The following SLC25A12 variants were observed in gnomAD, a reference collection of about 807,000 sequenced individuals.
The protein encoded by SLC25A12 is electrogenic aspartate/glutamate antiporter SLC25A12, mitochondrial.
A neutral mutation model predicts 83.3 loss-of-function variants in SLC25A12; 32 were observed. That is an observed-to-expected ratio of 0.38 (90% CI 0.29 to 0.52). The LOEUF is 0.52. Among genes scored for constraint, SLC25A12 ranks in the 20% least tolerant of loss-of-function variants. The pLI is 0.84. For synonymous variants in SLC25A12, 267 were observed against 291.1 expected (o/e 0.92, Z 0.84); for missense variants, 611 against 835.6 (o/e 0.73, Z 3.31).
At position 171,894,210 on chromosome 2, in the gene SLC25A12, G is replaced by T. The variant is rs1410996256; in HGVS notation, c.5C>A (p.Ala2Glu). 2 of 1,608,796 alleles carry T rather than the reference G, an allele frequency of 1.2e-6. No homozygotes were observed. Among genetic ancestry groups the T allele is most frequent in the South Asian group, 1.1e-5 (1 of 89,944 alleles). Residue 2 changes from alanine (A) to glutamate (E), a missense_variant, in exon 1 of 18, where the codon GCG (alanine) becomes GAG (glutamate). By Grantham distance (107) the Ala-to-Glu change is moderately radical (BLOSUM62 -1). This residue lies in a region of SLC25A12 where 34 missense variants were observed against 23.0 expected (regional missense o/e 1.48). Coordinates refer to ENST00000422440, the MANE Select transcript of SLC25A12 (RefSeq NM_003705.5). M[A>E]VKVQTTKRGD... ...GCAGAGAGTTGGAGTCACCTTGACC[G>T]CCATGCTGTGCTCGGAAGCCGGGGA...
chr2:171,884,744 C>T (rs1162652583), intron 2 of SLC25A12, among the ~76,000 whole-genome samples: 1 of 150,536 alleles, frequency 6.6e-6, no homozygotes, highest in African/African-American at 2.4e-5. Flanking sequence ...CATTGCACTC[C>T]AGCCTGGGCA....
Position 171,882,322 on chromosome 2 carries a change from T to C in SLC25A12, c.66+10883A>G, listed in dbSNP as rs528534033. On this transcript the variant is annotated intron_variant, in intron 2 of 17. Coordinates refer to ENST00000422440, the MANE Select transcript of SLC25A12 (RefSeq NM_003705.5). ...AACTGAACAGTTCCAGAGGTGAGCA[T>C]GTGAACCAGATCTGGCCAATGAGAA... Among the ~76,000 whole-genome samples, 15 of 152,296 alleles carry C rather than the reference T, an allele frequency of 9.8e-5. No individual in the cohort carries two copies. In the South Asian group the frequency reaches 2.7e-3, roughly 27 times the overall value.
At chr2:171,868,136 C>T (rs1483562112) in intron 3 of SLC25A12, among the ~76,000 whole-genome samples, 7 of 151,952 alleles carry the variant, frequency 4.6e-5, no homozygotes, top group African/African-American at 9.6e-5. Context: ...TGAGCCACCG[C>T]GCCCAGCCTG....
chr2:171,836,979 C>T, intron 6 of SLC25A12, 142 bp downstream of exon 6: 1 of 746,438 alleles, frequency 1.3e-6, no homozygotes, highest in African/African-American at 1.7e-5. Flanking sequence ...CACACACACA[C>T]ACACAAACCT....
chr2:171,866,384 G>A (rs1685303378), intron 3 of SLC25A12, among the ~76,000 whole-genome samples: 1 of 144,270 alleles, frequency 6.9e-6, no homozygotes, highest in African/African-American at 2.6e-5. Context: ...GGGCAGAGGG[G>A]CTCCTCACTT....
intron 13 of SLC25A12, chr2:171,809,311 A>T: frequency 2.7e-6 from 1 of 373,136 alleles, no homozygotes; most frequent in Non-Finnish European, 5.0e-6. Flanking sequence ...ACTAATTCAC[A>T]CTCCCACCAA....
intron 9 of SLC25A12, among the ~76,000 whole-genome samples, chr2:171,815,571 T>A (rs141482954): frequency 6.6e-6 from 1 of 152,178 alleles, no homozygotes; most frequent in South Asian, 2.1e-4. Flanking sequence ...GTTATAAAAT[T>A]TTTTTCCTTC....
chr2:171,875,082 C>T (rs6708365), intron 2 of SLC25A12, among the ~76,000 whole-genome samples: 117,192 of 152,080 alleles, frequency 0.77, 46,219 homozygotes, highest in East Asian at 0.89. Flanking sequence ...GGTTGCTTTC[C>T]GCAACCAATC....
intron 8 of SLC25A12, among the ~76,000 whole-genome samples, chr2:171,828,053 C>G (rs1240263875): frequency 6.6e-6 from 1 of 152,178 alleles, no homozygotes; most frequent in South Asian, 2.1e-4. Flanking sequence ...TCCCGGGAGA[C>G]TGAAAGGTAT....
intron 16 of SLC25A12, 24 bp from the exon 17 acceptor site, chr2:171,787,685 G>A (rs1390214018): frequency 1.2e-6 from 2 of 1,611,000 alleles, no homozygotes; most frequent in Non-Finnish European, 8.5e-7. Flanking sequence ...GCAGGGGCAG[G>A]GGAGACTTGA....
At chr2:171,787,503 G>T in intron 17 of SLC25A12, 68 bp downstream of exon 17, 1 of 1,224,304 alleles carries the variant, frequency 8.2e-7, no homozygotes, top group Non-Finnish European at 1.2e-6. Flanking sequence ...CAATGCTTTT[G>T]TAGACAGAAC....
At chr2:171,789,302 C>T (rs1421209604) in intron 15 of SLC25A12, among the ~76,000 whole-genome samples, 1 of 152,164 alleles carries the variant, frequency 6.6e-6, no homozygotes. Context: ...AATCTCGGCT[C>T]ACTGCAAGCT....
At chr2:171,892,471 C>T (rs564475182) in intron 2 of SLC25A12, among the ~76,000 whole-genome samples, 15 of 152,230 alleles carry the variant, frequency 9.9e-5, no homozygotes, top group Admixed American at 4.6e-4. Context: ...ATGGTCCACC[C>T]GCCTCGGCCT....
intron 9 of SLC25A12, among the ~76,000 whole-genome samples, chr2:171,815,879 T>C: frequency 6.6e-6 from 1 of 152,148 alleles, no homozygotes; most frequent in South Asian, 2.1e-4. Flanking sequence ...AATGACAGAA[T>C]AAACTAAATA....
At chr2:171,828,503 C>A (rs536285505) in intron 8 of SLC25A12, among the ~76,000 whole-genome samples, 1 of 152,284 alleles carries the variant, frequency 6.6e-6, no homozygotes, top group South Asian at 2.1e-4. Context: ...CTTTAGAATA[C>A]ATTCTACATC....
intron 5 of SLC25A12, among the ~76,000 whole-genome samples, chr2:171,842,605 A>T (rs1423972479): frequency 6.6e-6 from 1 of 152,156 alleles, no homozygotes; most frequent in Non-Finnish European, 1.5e-5. Context: ...AAAAAAAAGA[A>T]AAGTTCATAT....
chr2:171,797,210 G>A (rs1389949629), intron 13 of SLC25A12, among the ~76,000 whole-genome samples: 2 of 152,120 alleles, frequency 1.3e-5, no homozygotes, highest in African/African-American at 4.8e-5. Context: ...CTACAAATAT[G>A]CTAATGTTTG....
At chr2:171,811,027 A>T (rs907035596) in intron 11 of SLC25A12, among the ~76,000 whole-genome samples, 55 of 152,240 alleles carry the variant, frequency 3.6e-4, no homozygotes, top group African/African-American at 1.3e-3. Flanking sequence ...AAAAATAAAC[A>T]ATTCAACATC....
intron 2 of SLC25A12, among the ~76,000 whole-genome samples, chr2:171,876,675 GC>G (rs1239953990): frequency 2.0e-5 from 3 of 151,562 alleles, no homozygotes; most frequent in Non-Finnish European, 4.4e-5. Context: ...CCACTAGGTT[GC>G]CCCCCCACAC....
Sources: gnomAD v4.1 joint callset for allele counts (sites outside exome capture counted in the v4.1 genomes callset) on GRCh38, gnomAD v4.1.1 for gene constraint, gnomAD v4.1.1 regional missense constraint, MANE v1.5 for transcripts, NCBI Gene and HGNC (gene_info 2026-07-23, HGNC 2026-07-21) for gene names.